The following ENAH variants were observed in gnomAD, a reference collection of about 807,000 sequenced individuals.
ENAH encodes the protein ENAH actin regulator.
In ENAH, 23 loss-of-function variants were observed where a neutral mutation model predicts 78.7. The ratio of observed to expected loss-of-function variants is 0.29; its 90% CI spans 0.21 to 0.41. ENAH has a LOEUF of 0.41. Ranked by LOEUF, ENAH falls within the 10% of genes least tolerant of loss-of-function variation. ENAH has a pLI of 1.00. For missense variants in ENAH, 544 were observed against 691.0 expected (o/e 0.79, Z 2.39); for synonymous variants, 226 against 241.0 (o/e 0.94, Z 0.58).
chr1:225,637,291 T>C (rs1660235812), intron 1 of ENAH, among the ~76,000 whole-genome samples: 1 of 152,216 alleles, frequency 6.6e-6, no homozygotes, highest in Non-Finnish European at 1.5e-5. Flanking sequence ...CACTGCAACC[T>C]CTGTCTCCCG....
intron 1 of ENAH, among the ~76,000 whole-genome samples, chr1:225,625,486 T>C (rs1323941724): frequency 1.3e-5 from 2 of 152,184 alleles, no homozygotes; most frequent in Non-Finnish European, 2.9e-5. Flanking sequence ...GTCCTGTCAA[T>C]ATAACAGATT....
At chr1:225,524,493 GAGCATTTCACTTC>G in intron 4 of ENAH, 1 of 447,158 alleles carries the variant, frequency 2.2e-6, no homozygotes, top group Admixed American at 6.4e-5. Flanking sequence ...TGTATAACAT[GAGCATTTCACTTC>G]ACTATCAGTA....
chr1:225,618,149 C>CA (rs1397263611), intron 1 of ENAH, among the ~76,000 whole-genome samples: 1 of 152,208 alleles, frequency 6.6e-6, no homozygotes, highest in Non-Finnish European at 1.5e-5. Context: ...TAATCCCAAA[C>CA]AGATTGTTCA....
At chr1:225,646,369 C>T (rs970803628) in intron 1 of ENAH, among the ~76,000 whole-genome samples, 1 of 151,900 alleles carries the variant, frequency 6.6e-6, no homozygotes, top group South Asian at 2.1e-4. Context: ...GAGAGAAATC[C>T]CCCCTCATCT....
chr1:225,555,122 T>C (rs748771134), intron 2 of ENAH, 39 bp from the exon 3 acceptor site: 33 of 1,472,390 alleles, frequency 2.2e-5, no homozygotes, highest in East Asian at 2.1e-4. Context: ...AAACCAATAA[T>C]TGGCAAAATC....
Position 225,565,213 on chromosome 1 carries a change from A to G in ENAH, c.171+2036T>C, listed in dbSNP as rs908816391. On this transcript the variant is annotated intron_variant, in intron 2 of 13. Transcript: ENST00000366843. ...CACTTTGGGAGGCTGAGGCAGGTGG[A>G]TCACCTGAGGCCAGGAGTTCAAAAC... 6.0e-4 allele frequency among the ~76,000 whole-genome samples: 92 copies of G among 152,148 alleles called. 1 individual carries two copies. Among genetic ancestry groups the G allele is most frequent in the Non-Finnish European group, 2.9e-5 (2 of 68,006 alleles).
intron 1 of ENAH, among the ~76,000 whole-genome samples, chr1:225,645,795 G>A (rs1661849911): frequency 6.6e-6 from 1 of 152,128 alleles, no homozygotes; most frequent in African/African-American, 2.4e-5. Flanking sequence ...CCCAAAAAAT[G>A]TTTATAACCC....
chr1:225,505,233 G>A (rs1214836207), intron 11 of ENAH, among the ~76,000 whole-genome samples: 1 of 152,106 alleles, frequency 6.6e-6, no homozygotes, highest in Non-Finnish European at 1.5e-5. Flanking sequence ...GTTATGTGAA[G>A]ATACCAGTTA....
At position 225,639,705 on chromosome 1, in the gene ENAH, A is replaced by AACACACACACAC. The variant is rs374646635; in HGVS notation, c.5+12969_5+12980dup. ...CACAAAATGGACTATGGCGGGATTA[A>AACACACACACAC]ACACACACACACACACACACACACA... On this transcript the variant is annotated intron_variant, in intron 1 of 13. Transcript: ENST00000366843. Among the ~76,000 whole-genome samples, 607 of 138,618 alleles carry AACACACACACAC rather than the reference A, an allele frequency of 4.4e-3. 4 individuals carry two copies. The highest frequency in any genetic ancestry group is 7.3e-3 in the African/African-American group (258 of 35,414). The allele number at this position is 138,618 out of a possible 152,430, so 90.9% of individuals were successfully genotyped here.
intron 1 of ENAH, among the ~76,000 whole-genome samples, chr1:225,608,815 CAAAAAA>C (rs928281132): frequency 2.9e-4 from 6 of 20,668 alleles, no homozygotes; most frequent in African/African-American, 6.6e-4. Flanking sequence ...GACTCTGTCT[CAAAAAA>C]AAAAAAAAAA....
intron 3 of ENAH, among the ~76,000 whole-genome samples, chr1:225,545,391 A>T (rs2096608453): frequency 6.6e-6 from 1 of 152,210 alleles, no homozygotes; most frequent in Admixed American, 6.5e-5. Context: ...CCTAACAATT[A>T]TTAAAGACCC....
chr1:225,595,295 T>G (rs2096897221), intron 1 of ENAH, among the ~76,000 whole-genome samples: 1 of 151,754 alleles, frequency 6.6e-6, no homozygotes, highest in East Asian at 1.9e-4. Flanking sequence ...ATTACGCCAT[T>G]GCACTCTAGC....
At chr1:225,548,845 A>G (rs1314659246) in intron 3 of ENAH, among the ~76,000 whole-genome samples, 2 of 115,044 alleles carry the variant, frequency 1.7e-5, no homozygotes, top group Non-Finnish European at 3.5e-5. Context: ...CTTAGTGAAC[A>G]GATTTTTTTT....
Position 225,555,067 on chromosome 1 carries a change from GCA to G in ENAH, c.186_187del (p.Ala63HisfsTer3). 6.4e-7 allele frequency: 1 copy of G among 1,569,216 alleles called. No homozygotes were observed. Among genetic ancestry groups the G allele is most frequent in the Non-Finnish European group, 8.7e-7 (1 of 1,146,762 alleles). The stretch of plus-strand genomic sequence containing the variant: ...ATTGTACTTCAACCCTTTAGGAATG[GCA>G]CAGTTTATCACGACCTAAAAAATAA... On this transcript the variant is annotated frameshift_variant, in exon 3 of 14. Transcript: ENST00000366843. LOFTEE classifies it high-confidence loss of function.
intron 11 of ENAH, among the ~76,000 whole-genome samples, chr1:225,501,569 G>A (rs992290860): frequency 2.6e-4 from 39 of 152,190 alleles, no homozygotes; most frequent in African/African-American, 9.2e-4. Context: ...ATTGCAGGAA[G>A]AAAACATTTT....
chr1:225,509,975 G>A (rs759976922), intron 10 of ENAH, among the ~76,000 whole-genome samples: 5 of 152,134 alleles, frequency 3.3e-5, no homozygotes, highest in South Asian at 4.1e-4. Flanking sequence ...CAGGTGACTC[G>A]TATGTGTCAT....
intron 1 of ENAH, among the ~76,000 whole-genome samples, chr1:225,574,558 CG>C: frequency 6.6e-6 from 1 of 151,666 alleles, no homozygotes; most frequent in East Asian, 1.9e-4. Flanking sequence ...GCCAACAGTA[CG>C]CCACTGCACT....
intron 2 of ENAH, among the ~76,000 whole-genome samples, chr1:225,565,416 C>T (rs1198898822): frequency 1.3e-5 from 2 of 149,070 alleles, no homozygotes; most frequent in African/African-American, 5.0e-5. Flanking sequence ...CCCTGGGCGA[C>T]AAGAGCAAAA....
chr1:225,618,274 G>A (rs1321258185), intron 1 of ENAH, among the ~76,000 whole-genome samples: 1 of 152,108 alleles, frequency 6.6e-6, no homozygotes, highest in East Asian at 1.9e-4. Flanking sequence ...TCCAAAAACT[G>A]GGGAGAAAGA....
Sources: allele counts gnomAD v4.1 joint callset (sites outside exome capture counted in the v4.1 genomes callset), GRCh38; gene constraint gnomAD v4.1.1; transcripts MANE v1.5; gene names NCBI Gene and HGNC (gene_info 2026-07-23, HGNC 2026-07-21).